BRINP3: variants seen among roughly 807,000 people sequenced by gnomAD.
BRINP3 encodes BMP/retinoic acid-inducible neural-specific protein 3.
In BRINP3, 19 loss-of-function variants were observed where a neutral mutation model predicts 71.0. That is an observed-to-expected ratio of 0.27 (90% CI 0.19 to 0.39). BRINP3 has a LOEUF of 0.39. Ranked by LOEUF, BRINP3 falls within the 10% of genes least tolerant of loss-of-function variation. The pLI, the probability that BRINP3 is intolerant of heterozygous loss-of-function variation, is 1.00. For missense variants in BRINP3, 959 were observed against 940.8 expected (o/e 1.02, Z -0.25); for synonymous variants, 380 against 337.7 (o/e 1.13, Z -1.37).
chr1:190,102,490 A>G (rs1651786741), intron 7 of BRINP3, among the ~76,000 whole-genome samples: 1 of 152,154 alleles, frequency 6.6e-6, no homozygotes, highest in South Asian at 2.1e-4. Context: ...TACTTGGGCT[A>G]AGAATTGTGA....
rs143368750 is a variant in BRINP3, at chr1:190,284,941, C to T, written c.237-3191G>A. On this transcript the variant is annotated intron_variant, in intron 2 of 7. Transcript: ENST00000367462. ...ATAAAGAATAAAGCAAAATACTACA[C>T]CATTGTGTATATCCAAAAGAATAAA... Among the ~76,000 whole-genome samples, 999 of 152,138 alleles carry T rather than the reference C, an allele frequency of 6.6e-3. 6 individuals are homozygous for T. Among genetic ancestry groups the T allele is most frequent in the African/African-American group, 0.021 (884 of 41,530 alleles).
chr1:190,131,054 A>G (rs748061841), intron 7 of BRINP3, among the ~76,000 whole-genome samples: 1 of 151,362 alleles, frequency 6.6e-6, no homozygotes, highest in Non-Finnish European at 1.5e-5. Flanking sequence ...TTGTGAGTCT[A>G]TTTGTTCTAT....
At chr1:190,457,123 T>G (rs1005519142) in intron 1 of BRINP3, among the ~76,000 whole-genome samples, 2 of 152,054 alleles carry the variant, frequency 1.3e-5, no homozygotes, top group Non-Finnish European at 1.5e-5. Context: ...AAAAATGGAC[T>G]CTAGAGCCAA....
intron 2 of BRINP3, among the ~76,000 whole-genome samples, chr1:190,360,997 T>G (rs1669108512): frequency 6.6e-6 from 1 of 152,010 alleles, no homozygotes. Context: ...GTTCAGTATG[T>G]GGGAAGAGAT....
At chr1:190,113,274 C>G (rs185148241) in intron 7 of BRINP3, among the ~76,000 whole-genome samples, 1 of 152,232 alleles carries the variant, frequency 6.6e-6, no homozygotes, top group East Asian at 1.9e-4. Flanking sequence ...CATTCTCCCA[C>G]TCCTCCTCAT....
intron 7 of BRINP3, among the ~76,000 whole-genome samples, chr1:190,156,259 A>G (rs1199371876): frequency 6.6e-6 from 1 of 152,086 alleles, no homozygotes; most frequent in Non-Finnish European, 1.5e-5. Context: ...TTATTGGTGG[A>G]GATGTACTTT....
chr1:190,254,001 C>A (rs995977117), intron 4 of BRINP3, among the ~76,000 whole-genome samples: 5 of 152,124 alleles, frequency 3.3e-5, no homozygotes, highest in African/African-American at 7.2e-5. Context: ...CCAGTTTTCC[C>A]AGCACCATTT....
In BRINP3 at chr1:190,167,426, A is replaced by G. The variant is rs1023084017; in HGVS notation, c.962-6536T>C. Among the ~76,000 whole-genome samples the G allele has an allele frequency of 6.6e-5, 10 of 152,162 alleles. No individual in the cohort carries two copies. In the East Asian group the frequency reaches 9.6e-4, roughly 15 times the overall value. The stretch of plus-strand genomic sequence containing the variant: ...GGCATTTGGACCTATATGCCTGCAT[A>G]TAATTGAATGAAGAGCATGAAAAAT... On this transcript the variant is annotated intron_variant, in intron 6 of 7. Transcript: ENST00000367462.
intron 2 of BRINP3, among the ~76,000 whole-genome samples, chr1:190,317,181 A>G (rs1429033958): frequency 1.3e-5 from 2 of 151,762 alleles, no homozygotes; most frequent in African/African-American, 4.8e-5. Context: ...CAAAAAAAAA[A>G]AAAAAAAAAA....
chr1:190,336,901 T>C (rs943963901), intron 2 of BRINP3, among the ~76,000 whole-genome samples: 7 of 149,044 alleles, frequency 4.7e-5, no homozygotes, highest in Admixed American at 6.8e-5. Context: ...CTCCCTTCCT[T>C]CTTCTGACTT....
chr1:190,133,467 T>G (rs1654711206), intron 7 of BRINP3, among the ~76,000 whole-genome samples: 1 of 151,980 alleles, frequency 6.6e-6, no homozygotes, highest in South Asian at 2.1e-4. Context: ...TACTGTGGCA[T>G]AGTATAGAGT....
intron 2 of BRINP3, among the ~76,000 whole-genome samples, chr1:190,338,871 G>A (rs1667464455): frequency 6.6e-6 from 1 of 151,774 alleles, no homozygotes; most frequent in African/African-American, 2.4e-5. Flanking sequence ...TAAAAACATA[G>A]TTATCAATAT....
chr1:190,351,194 T>C (rs1668363080), intron 2 of BRINP3, among the ~76,000 whole-genome samples: 2 of 152,032 alleles, frequency 1.3e-5, no homozygotes, highest in South Asian at 4.1e-4. Flanking sequence ...CCTTTTCTCA[T>C]TTTAGAGATC....
At chr1:190,140,298 A>G (rs1655327133) in intron 7 of BRINP3, among the ~76,000 whole-genome samples, 1 of 152,168 alleles carries the variant, frequency 6.6e-6, no homozygotes, top group Non-Finnish European at 1.5e-5. Flanking sequence ...CCTTTTAAAT[A>G]TACTTGTATT....
At chr1:190,239,257 G>A (rs1263381769) in intron 4 of BRINP3, among the ~76,000 whole-genome samples, 1 of 152,046 alleles carries the variant, frequency 6.6e-6, no homozygotes, top group Admixed American at 6.6e-5. Context: ...ATACAATGTG[G>A]AAGTACATAG....
intron 7 of BRINP3, among the ~76,000 whole-genome samples, chr1:190,115,965 GA>G (rs1653100107): frequency 6.6e-6 from 1 of 152,112 alleles, no homozygotes; most frequent in Admixed American, 6.6e-5. Context: ...GTCGTTGGGA[GA>G]GTTATATTGT....
chr1:190,353,096 T>C (rs1668502513), intron 2 of BRINP3, among the ~76,000 whole-genome samples: 1 of 151,876 alleles, frequency 6.6e-6, no homozygotes, highest in South Asian at 2.1e-4. Context: ...AAAAATGATA[T>C]ATGCAGGCTC....
chr1:190,320,872 A>T (rs1571739433), intron 2 of BRINP3, among the ~76,000 whole-genome samples: 1 of 151,986 alleles, frequency 6.6e-6, no homozygotes, highest in Admixed American at 6.6e-5. Context: ...CCAAAAATTG[A>T]TTTTGTTAAT....
intron 7 of BRINP3, among the ~76,000 whole-genome samples, chr1:190,107,527 C>T (rs1406413181): frequency 2.0e-5 from 3 of 151,926 alleles, no homozygotes; most frequent in Admixed American, 1.3e-4. Flanking sequence ...TAATTATTAT[C>T]TATATCACTT....
Sources: gnomAD v4.1 joint callset for allele counts (sites outside exome capture counted in the v4.1 genomes callset) on GRCh38, gnomAD v4.1.1 for gene constraint, MANE v1.5 for transcripts, NCBI Gene and HGNC (gene_info 2026-07-23, HGNC 2026-07-21) for gene names.